The following ELK1 variants were observed in gnomAD, a reference collection of about 807,000 sequenced individuals.
ELK1 encodes ETS transcription factor ELK1.
For missense variants in ELK1, 254 were observed against 381.5 expected, an observed-to-expected ratio of 0.67 and a Z score of 2.78; for synonymous variants, 163 against 176.3, an observed-to-expected ratio of 0.92 and a Z score of 0.60.
At chrX:47,641,573 T>G in intron 2 of ELK1, 98 bp from the exon 3 acceptor site, 8 of 636,057 alleles carry the variant, frequency 1.3e-5, no homozygotes, top group Non-Finnish European at 1.9e-5. Context: ...TCTCCATCTC[T>G]GTCTTCAAAC....
In ELK1 at chrX:47,636,909, C is replaced by T. The variant is rs775548786; in HGVS notation, c.1207G>A (p.Ala403Thr). 1.0e-5 allele frequency: 12 copies of T among 1,176,826 alleles called. No homozygotes were observed. Among genetic ancestry groups the T allele is most frequent in the East Asian group, 3.1e-5 (1 of 31,904 alleles). Reference protein sequence around the residue: ...LSFQFPSSGSAQVHIPSISVD... With the variant: ...LSFQFPSSGSTQVHIPSISVD... ...CTGATAGAAGGGATGTGCACCTGGG[C>T]GCTGCCACTGGATGGAAACTGGGGG... The change falls in exon 7 of 7, where the codon GCC (alanine) becomes ACC (threonine). Residue 403 changes from alanine (A) to threonine (T), a missense_variant. Ala to Thr is a moderately conservative substitution (Grantham distance 58, BLOSUM62 0). Transcript: ENST00000376983.
rs142283627 is a variant in ELK1 at position 47,643,680 on chromosome X, G to C, written c.-34-2205C>G. 9.9e-3 allele frequency among the ~76,000 whole-genome samples: 1,084 copies of C among 109,551 alleles called. 20 individuals are homozygous for C. Among genetic ancestry groups the C allele is most frequent in the African/African-American group, 0.035 (1,026 of 29,260 alleles). On this transcript the variant is annotated intron_variant, in intron 2 of 6. Coordinates refer to ENST00000376983, the MANE Select transcript of ELK1 (RefSeq NM_001114123.3). ...AAACACATCTGGCCCCAGGGGTTTTGGGTAAGGGCATGTACACCTGTACTG... is the reference window on the plus strand; with the variant it reads ...AAACACATCTGGCCCCAGGGGTTTTCGGTAAGGGCATGTACACCTGTACTG...
At chrX:47,637,191 C>G in intron 5 of ELK1, 77 bp from the exon 6 acceptor site, 3 of 995,624 alleles carry the variant, frequency 3.0e-6, no homozygotes, top group Non-Finnish European at 4.2e-6. Flanking sequence ...GGTCCCGGCC[C>G]CACCACAGAT....
chrX:47,649,670 G>A (rs2058053517), intron 2 of ELK1, among the ~76,000 whole-genome samples: 1 of 110,731 alleles, frequency 9.0e-6, no homozygotes, highest in African/African-American at 3.3e-5. Flanking sequence ...CTGAAAATAG[G>A]GAGATGTAAA....
chrX:47,642,037 G>A (rs993754905), intron 2 of ELK1, among the ~76,000 whole-genome samples: 3 of 112,004 alleles, frequency 2.7e-5, no homozygotes, highest in Non-Finnish European at 5.6e-5. Context: ...GATGGAGGAA[G>A]GAGGCTCAGA....
chrX:47,646,285 C>T (rs1180836455), intron 2 of ELK1, among the ~76,000 whole-genome samples: 4 of 111,673 alleles, frequency 3.6e-5, no homozygotes, highest in African/African-American at 1.3e-4. Context: ...ATGCCTGTGC[C>T]TTTAGGAGAG....
chrX:47,637,312 T>A (rs1350244628), intron 5 of ELK1, among the ~76,000 whole-genome samples, 198 bp from the exon 6 acceptor site: 2 of 109,804 alleles, frequency 1.8e-5, no homozygotes, highest in Non-Finnish European at 3.8e-5. Context: ...CACTCCCCAC[T>A]CCCGAGAGCC....
chrX:47,641,087 C>T, intron 3 of ELK1, 145 bp downstream of exon 3: 1 of 679,057 alleles, frequency 1.5e-6, no homozygotes, highest in Non-Finnish European at 2.3e-6. Context: ...GGGCCCAATA[C>T]TGGTCTTAGG....
chrX:47,642,369 G>C (rs1448446757), intron 2 of ELK1, among the ~76,000 whole-genome samples: 1 of 109,792 alleles, frequency 9.1e-6, no homozygotes, highest in Non-Finnish European at 1.9e-5. Context: ...AATATTATCT[G>C]TATCTTCTAC....
In ELK1 at chrX:47,636,822, G is replaced by A. The variant is rs1478639120; in HGVS notation, c.*7C>T. 9 of 1,135,461 alleles carry A rather than the reference G, an allele frequency of 7.9e-6. No homozygotes were observed. Among genetic ancestry groups the A allele is most frequent in the Non-Finnish European group, 1.1e-5 (9 of 853,989 alleles). 93.6% of individuals were successfully genotyped at this position (1,135,461 alleles called of 1,213,427 possible). ...CCCAGAAGGGGTGGTGGTGGTGGTG[G>A]TAGTAGTCATGGCTTCTGGGGCCCT... On this transcript the variant is annotated 3_prime_UTR_variant, in exon 7 of 7. Transcript: ENST00000376983.
chrX:47,638,761 T>C, intron 4 of ELK1, 134 bp downstream of exon 4: 1 of 768,184 alleles, frequency 1.3e-6, no homozygotes, highest in South Asian at 2.3e-5. Context: ...TCTAAGAGGA[T>C]GTCTTCCTTC....
intron 3 of ELK1, 120 bp from the exon 4 acceptor site, chrX:47,639,458 C>T: frequency 1.6e-6 from 1 of 627,656 alleles, no homozygotes; most frequent in Non-Finnish European, 2.6e-6. Context: ...TTTCTTCCCA[C>T]TTGCTCCTCT....
chrX:47,643,726 C>A (rs1436475316), intron 2 of ELK1, among the ~76,000 whole-genome samples: 1 of 110,278 alleles, frequency 9.1e-6, no homozygotes, highest in African/African-American at 3.3e-5. Context: ...TTTTAATGGG[C>A]ATTGACTTAT....
At chrX:47,641,795 C>T (rs1360368669) in intron 2 of ELK1, among the ~76,000 whole-genome samples, 1 of 112,411 alleles carries the variant, frequency 8.9e-6, no homozygotes, top group Non-Finnish European at 1.9e-5. Flanking sequence ...TCCTCGGAAC[C>T]TGTATGTTAT....
chrX:47,637,660 T>TC (rs2058013261), intron 5 of ELK1, 91 bp downstream of exon 5: 1 of 1,034,922 alleles, frequency 9.7e-7, no homozygotes, highest in Non-Finnish European at 1.3e-6. Context: ...ACAACCACAC[T>TC]CACCCTCCTC....
At chrX:47,643,530 G>A (rs754547107) in intron 2 of ELK1, among the ~76,000 whole-genome samples, 3 of 111,175 alleles carry the variant, frequency 2.7e-5, no homozygotes, top group Non-Finnish European at 5.7e-5. Context: ...CACTTATTGC[G>A]AGTGTTCATA....
chrX:47,649,481 G>A (rs923796943), intron 2 of ELK1: 2 of 110,885 alleles, frequency 1.8e-5, no homozygotes, highest in African/African-American at 6.6e-5. Flanking sequence ...AGCATACAGG[G>A]GTGTGGGGGA....
Position 47,636,083 on chromosome X carries a change from C to G in ELK1, c.*746G>C, listed in dbSNP as rs773270751. On this transcript the variant is annotated 3_prime_UTR_variant, in exon 7 of 7. Coordinates refer to ENST00000376983, the MANE Select transcript of ELK1 (RefSeq NM_001114123.3). ...GGGCCCCCCAGACGGGGACCACCCC[C>G]CAAAAAAACCCTCCATTGGGAGGAA... 50 of 111,610 alleles carry G rather than the reference C, an allele frequency of 4.5e-4. No homozygotes were observed. The highest frequency in any genetic ancestry group is 1.6e-3 in the African/African-American group (49 of 30,588). The allele number at this position is 111,610 out of a possible 1,213,427, so 9.2% of individuals were successfully genotyped here. A position where few individuals can be genotyped will look rare whatever the true frequency, so the allele number is the denominator to read the frequency against.
intron 3 of ELK1, 77 bp from the exon 4 acceptor site, chrX:47,639,415 G>T: frequency 4.7e-6 from 4 of 851,984 alleles, no homozygotes; most frequent in South Asian, 2.2e-5. Flanking sequence ...GGGGAGGAGG[G>T]GGGTGGAGTG....
Sources: allele counts gnomAD v4.1 joint callset (sites outside exome capture counted in the v4.1 genomes callset), GRCh38; gene constraint gnomAD v4.1.1; transcripts MANE v1.5; gene names NCBI Gene and HGNC (gene_info 2026-07-23, HGNC 2026-07-21).